ENKUR: variants seen among roughly 807,000 people sequenced by gnomAD.
ENKUR encodes enkurin, TRPC channel interacting protein, also known as enkurin.
In ENKUR, 19 loss-of-function variants were observed where a neutral mutation model predicts 27.6. That is an observed-to-expected ratio of 0.69 (90% CI 0.48 to 1.01). The LOEUF is 1.01. ENKUR is among the 50% of genes least tolerant of loss of function. The probability of loss-of-function intolerance (pLI) is 0.00; values close to 1 mark genes in which losing one functional copy is unlikely to be tolerated. For missense variants in ENKUR, 312 were observed against 310.5 expected, an observed-to-expected ratio of 1.00 and a Z score of -0.04; for synonymous variants, 117 against 96.9, an observed-to-expected ratio of 1.21 and a Z score of -1.22.
upstream of ENKUR, among the ~76,000 whole-genome samples, chr10:25,019,873 T>C (rs1271517003): frequency 6.6e-6 from 1 of 152,188 alleles, no homozygotes; most frequent in Non-Finnish European, 1.5e-5. Flanking sequence ...ATCTTTTTTT[T>C]CCATTTCTCC....
At chr10:25,033,811 ATG>A (rs1236786592) in intron 2 of ENKUR, among the ~76,000 whole-genome samples, 7 of 147,886 alleles carry the variant, frequency 4.7e-5, no homozygotes, top group African/African-American at 1.8e-4. Flanking sequence ...GTATGTATGT[ATG>A]TGTGTGTGTG....
chr10:25,022,945 T>G (rs1850754292), intron 2 of ENKUR, among the ~76,000 whole-genome samples: 1 of 152,336 alleles, frequency 6.6e-6, no homozygotes, highest in South Asian at 2.1e-4. Context: ...GTCAAAGTTT[T>G]GATTTTTCAG....
rs770192962 is a variant in ENKUR, at chr10:25,023,906, C to T, written c.38-28037G>A. Reference sequence around the variant, plus strand: ...ATTAAAAGATACCAAGATGTGGACTCGGAAACATTCATTTCAACAAGACAC... The same window carrying T: ...ATTAAAAGATACCAAGATGTGGACTTGGAAACATTCATTTCAACAAGACAC... On this transcript the variant is annotated intron_variant, in intron 2 of 5. Transcript: ENST00000615958. 2.4e-5 allele frequency: 39 copies of T among 1,613,990 alleles called. No individual in the cohort carries two copies. Among genetic ancestry groups the T allele is most frequent in the African/African-American group, 4.0e-5 (3 of 74,918 alleles).
At position 24,984,165 on chromosome 10, in the gene ENKUR, C is replaced by G. The variant is rs1849727434; in HGVS notation, c.*205G>C. 4.4e-6 allele frequency: 2 copies of G among 453,178 alleles called. No individual in the cohort carries two copies. The highest frequency in any genetic ancestry group is 9.2e-5 in the South Asian group (1 of 10,850). The allele number at this position is 453,178 out of a possible 1,614,324, so 28.1% of individuals were successfully genotyped here. A position where few individuals can be genotyped will look rare whatever the true frequency, so the allele number is the denominator to read the frequency against. On this transcript the variant is annotated 3_prime_UTR_variant, in exon 6 of 6. Transcript: ENST00000331161. ...TAATTTTTCTTCCTCCAAATAGAAG[C>G]CTTTCATCATATACAGTGTTACGAA...
rs944934315 is a variant in ENKUR at position 24,999,620 on chromosome 10, A to G, written c.78-74T>C. ...TACCTAAAGTTTACTTAAAGTTTAA[A>G]TCTTACATTTTTAATTTATTTAAGT... On this transcript the variant is annotated intron_variant, in intron 1 of 5. Transcript: ENST00000331161. 4 of 1,305,270 alleles carry G rather than the reference A, an allele frequency of 3.1e-6. No homozygotes were observed. The Admixed American group carries it at 9.0e-5, about 29-fold the overall frequency. The allele number at this position is 1,305,270 out of a possible 1,614,324, so 80.9% of individuals were successfully genotyped here. A position where few individuals can be genotyped will look rare whatever the true frequency, so the allele number is the denominator to read the frequency against.
At chr10:24,988,231 A>T (rs1564334381) in intron 4 of ENKUR, among the ~76,000 whole-genome samples, 1 of 144,104 alleles carries the variant, frequency 6.9e-6, no homozygotes, top group Non-Finnish European at 1.5e-5. Flanking sequence ...CTCAAAAAAA[A>T]ATGTATATAT....
intron 1 of ENKUR, among the ~76,000 whole-genome samples, chr10:25,008,333 G>A (rs1850361890): frequency 6.6e-6 from 1 of 152,124 alleles, no homozygotes; most frequent in South Asian, 2.1e-4. Context: ...TAAATTCTTG[G>A]CTGTAATTAG....
At chr10:25,056,551 A>C (rs1169131553) in intron 2 of ENKUR, among the ~76,000 whole-genome samples, 1 of 152,224 alleles carries the variant, frequency 6.6e-6, no homozygotes, top group Non-Finnish European at 1.5e-5. Context: ...GGGAGAACGT[A>C]CTTAGCGTTT....
chr10:25,025,657 A>T (rs1321171872), intron 2 of ENKUR: 6 of 585,424 alleles, frequency 1.0e-5, no homozygotes, highest in Non-Finnish European at 1.8e-5. Context: ...ACAAAAGGTA[A>T]CACAGTGCAC....
intron 2 of ENKUR, among the ~76,000 whole-genome samples, chr10:25,060,605 A>G (rs1851315824): frequency 6.6e-6 from 1 of 152,186 alleles, no homozygotes; most frequent in Non-Finnish European, 1.5e-5. Context: ...TCAATTATAA[A>G]GTTTGAATGG....
At chr10:25,030,786 C>T (rs1850925289) in intron 2 of ENKUR, among the ~76,000 whole-genome samples, 1 of 152,106 alleles carries the variant, frequency 6.6e-6, no homozygotes, top group African/African-American at 2.4e-5. Context: ...ATTTTGGACA[C>T]CTTAAAGTGA....
intron 2 of ENKUR, among the ~76,000 whole-genome samples, chr10:25,055,673 A>G (rs1294821816): frequency 2.0e-5 from 3 of 152,072 alleles, no homozygotes; most frequent in Non-Finnish European, 4.4e-5. Context: ...ATTATCTTCG[A>G]TTTTTAAAAT....
intron 1 of ENKUR, among the ~76,000 whole-genome samples, chr10:25,008,322 T>C (rs1042461855): frequency 1.3e-5 from 2 of 152,224 alleles, no homozygotes; most frequent in Admixed American, 1.3e-4. Context: ...TTTTCCTTGA[T>C]TAAATTCTTG....
At chr10:25,009,813 C>T (rs550992949) in intron 1 of ENKUR, among the ~76,000 whole-genome samples, 12 of 152,274 alleles carry the variant, frequency 7.9e-5, no homozygotes, top group Admixed American at 1.3e-4. Flanking sequence ...CACACACTCT[C>T]GTTTCCCACT....
At chr10:25,010,814 T>C (rs1437608955) in intron 1 of ENKUR, among the ~76,000 whole-genome samples, 1 of 150,100 alleles carries the variant, frequency 6.7e-6, no homozygotes, top group East Asian at 2.0e-4. Context: ...ATGGTGTATA[T>C]GTGCCACATT....
At chr10:25,048,623 C>T (rs1246523474) in intron 2 of ENKUR, among the ~76,000 whole-genome samples, 1 of 151,858 alleles carries the variant, frequency 6.6e-6, no homozygotes, top group Non-Finnish European at 1.5e-5. Context: ...AGGCAATGGC[C>T]CAAATCAACA....
intron 2 of ENKUR, among the ~76,000 whole-genome samples, chr10:25,033,172 C>T (rs1850956140): frequency 6.6e-6 from 1 of 152,008 alleles, no homozygotes; most frequent in South Asian, 2.1e-4. Flanking sequence ...GTAATCCCAG[C>T]ACTTTGGGAG....
At chr10:24,993,294 T>G (rs1849967814) in intron 3 of ENKUR, among the ~76,000 whole-genome samples, 1 of 152,250 alleles carries the variant, frequency 6.6e-6, no homozygotes, top group South Asian at 2.1e-4. Flanking sequence ...TATTATACTA[T>G]TCACTCTTTG....
chr10:25,011,416 GT>G (rs1564343561), intron 1 of ENKUR, among the ~76,000 whole-genome samples: 1 of 152,086 alleles, frequency 6.6e-6, no homozygotes, highest in Non-Finnish European at 1.5e-5. Context: ...TCTGATGGTA[GT>G]TTCTTTTGCT....
Sources: allele counts gnomAD v4.1 joint callset (sites outside exome capture counted in the v4.1 genomes callset), GRCh38; gene constraint gnomAD v4.1.1; transcripts MANE v1.5; gene names NCBI Gene and HGNC (gene_info 2026-07-23, HGNC 2026-07-21).